Variants in MYO3B observed in about 807,000 individuals in gnomAD.
The protein encoded by MYO3B is myosin IIIB, also known as myosin-IIIb.
MYO3B carries 156 observed loss-of-function variants against 174.6 expected under a neutral mutation model. The observed-to-expected ratio is 0.89, with a 90% CI of 0.78 to 1.02. MYO3B has a LOEUF of 1.02. MYO3B is among the 50% of genes least tolerant of loss of function. MYO3B has a pLI of 0.00. For synonymous variants in MYO3B, 563 were observed against 569.1 expected, an observed-to-expected ratio of 0.99 and a Z score of 0.15; for missense variants, 1,632 against 1,639.4, an observed-to-expected ratio of 1.00 and a Z score of 0.08.
At chr2:170,302,318 GATT>G (rs1412881853) in intron 7 of MYO3B, among the ~76,000 whole-genome samples, 2 of 152,158 alleles carry the variant, frequency 1.3e-5, no homozygotes, top group African/African-American at 4.8e-5. Context: ...TACTTAATGT[GATT>G]ATTAAGAGTT....
At chr2:170,549,388 A>G (rs1162295557) in intron 32 of MYO3B, among the ~76,000 whole-genome samples, 1 of 152,130 alleles carries the variant, frequency 6.6e-6, no homozygotes, top group Non-Finnish European at 1.5e-5. Context: ...GCCACCAGAG[A>G]GCATGTGGAA....
chr2:170,178,402 C>A (rs1351393023), intron 1 of MYO3B, 113 bp downstream of exon 1: 5 of 1,352,422 alleles, frequency 3.7e-6, no homozygotes, highest in Non-Finnish European at 4.2e-6. Context: ...GGGATGACAG[C>A]CACTCTGGCT....
chr2:170,501,976 A>G (rs534082112), intron 28 of MYO3B, 111 bp downstream of exon 28: 6 of 711,698 alleles, frequency 8.4e-6, no homozygotes, highest in Non-Finnish European at 1.4e-5. Flanking sequence ...GAATGAGTCA[A>G]GAGTTCTGGG....
intron 32 of MYO3B, chr2:170,644,387 A>AGTG (rs1698214257): frequency 6.6e-6 from 1 of 152,074 alleles, no homozygotes; most frequent in African/African-American, 2.4e-5. Flanking sequence ...CCCAGGTTCA[A>AGTG]ATGATTCTCC....
At chr2:170,307,811 G>A (rs2093711117) in intron 7 of MYO3B, among the ~76,000 whole-genome samples, 2 of 152,184 alleles carry the variant, frequency 1.3e-5, no homozygotes, top group South Asian at 2.1e-4. Context: ...TTAATTACAT[G>A]CAAATTCAGA....
intron 32 of MYO3B, among the ~76,000 whole-genome samples, chr2:170,644,936 A>C (rs1698250823): frequency 6.6e-6 from 1 of 152,186 alleles, no homozygotes; most frequent in South Asian, 2.1e-4. Flanking sequence ...ATGAAATCAG[A>C]AGGTGCAGGG....
chr2:170,485,981 T>A (rs1431804099), intron 25 of MYO3B, among the ~76,000 whole-genome samples: 3 of 151,318 alleles, frequency 2.0e-5, no homozygotes, highest in African/African-American at 7.3e-5. Context: ...ATCCCCAGAG[T>A]TTCTGATTCA....
At chr2:170,642,197 CA>C in intron 32 of MYO3B, among the ~76,000 whole-genome samples, 1 of 126,432 alleles carries the variant, frequency 7.9e-6, no homozygotes, top group East Asian at 2.0e-4. Context: ...CTCATTCACT[CA>C]TTCATTCATT....
At chr2:170,184,799 C>T (rs1171558909) in intron 1 of MYO3B, among the ~76,000 whole-genome samples, 1 of 152,054 alleles carries the variant, frequency 6.6e-6, no homozygotes, top group African/African-American at 2.4e-5. Flanking sequence ...TTTATATTCC[C>T]ACCAACAGTG....
intron 9 of MYO3B, among the ~76,000 whole-genome samples, chr2:170,370,872 T>C (rs908667409): frequency 2.6e-5 from 4 of 151,916 alleles, no homozygotes; most frequent in Non-Finnish European, 5.9e-5. Flanking sequence ...ACTTTGCCTG[T>C]CCAGATCTAT....
At chr2:170,595,040 A>C (rs1694057382) in intron 32 of MYO3B, among the ~76,000 whole-genome samples, 1 of 152,148 alleles carries the variant, frequency 6.6e-6, no homozygotes, top group African/African-American at 2.4e-5. Flanking sequence ...GGACATAGAC[A>C]TGGGCTCTGG....
intron 2 of MYO3B, 90 bp downstream of exon 2, chr2:170,199,481 C>A: frequency 9.8e-7 from 1 of 1,020,592 alleles, no homozygotes; most frequent in Non-Finnish European, 1.4e-6. Context: ...GTTTAATTTT[C>A]ATGAAACCTG....
chr2:170,442,603 T>G (rs2094809501), intron 22 of MYO3B, among the ~76,000 whole-genome samples: 1 of 151,944 alleles, frequency 6.6e-6, no homozygotes, highest in African/African-American at 2.4e-5. Flanking sequence ...GCTGCACCCA[T>G]TAACTCATCA....
At chr2:170,411,029 T>A (rs2094543084) in intron 22 of MYO3B, among the ~76,000 whole-genome samples, 1 of 152,090 alleles carries the variant, frequency 6.6e-6, no homozygotes, top group East Asian at 1.9e-4. Flanking sequence ...TGAAAAAAAA[T>A]TAGAATTAAA....
intron 32 of MYO3B, among the ~76,000 whole-genome samples, chr2:170,637,573 C>T (rs1697627269): frequency 6.6e-6 from 1 of 151,880 alleles, no homozygotes; most frequent in Admixed American, 6.6e-5. Flanking sequence ...CTCTTGCAAC[C>T]TCCTCAGGTC....
chr2:170,471,852 A>AT (rs946278685), intron 25 of MYO3B, among the ~76,000 whole-genome samples: 5 of 152,178 alleles, frequency 3.3e-5, no homozygotes, highest in African/African-American at 1.2e-4. Flanking sequence ...TTAGCTGGGC[A>AT]TGGTGGCACA....
At chr2:170,651,818 G>A in intron 33 of MYO3B, 84 bp downstream of exon 33, 1 of 1,146,026 alleles carries the variant, frequency 8.7e-7, no homozygotes, top group Non-Finnish European at 1.3e-6. Flanking sequence ...TCCAGCCCCT[G>A]CAGCCCCACC....
intron 3 of MYO3B, among the ~76,000 whole-genome samples, chr2:170,205,845 A>T (rs996623005): frequency 1.3e-5 from 2 of 152,092 alleles, no homozygotes; most frequent in African/African-American, 4.8e-5. Context: ...AAATCTGTTA[A>T]TAGTTTCCCT....
chr2:170,651,389 G>C (rs150670882), intron 32 of MYO3B, among the ~76,000 whole-genome samples: 2 of 97,752 alleles, frequency 2.0e-5, no homozygotes, highest in Non-Finnish European at 2.0e-5. Context: ...CTGTCACCCT[G>C]GACTGCTGAT....
Sources: allele counts gnomAD v4.1 joint callset (sites outside exome capture counted in the v4.1 genomes callset), GRCh38; gene constraint gnomAD v4.1.1; transcripts MANE v1.5; gene names NCBI Gene and HGNC (gene_info 2026-07-23, HGNC 2026-07-21).